Variants in PTCD3 observed in about 807,000 individuals in gnomAD.
The protein encoded by PTCD3 is pentatricopeptide repeat domain 3, also known as small ribosomal subunit protein mS39.
Under a neutral mutation model 101.9 loss-of-function variants are expected in PTCD3, and 89 were observed. That is an observed-to-expected ratio of 0.87 (90% CI 0.74 to 1.04). The LOEUF (loss-of-function observed/expected upper bound fraction) is 1.04. PTCD3 is among the 50% of genes least tolerant of loss of function. PTCD3 has a pLI of 0.00. For synonymous variants in PTCD3, 296 were observed against 278.5 expected (o/e 1.06, Z -0.63); for missense variants, 870 against 828.2 (o/e 1.05, Z -0.62).
chr2:86,114,624 CCAAACATT>C (rs1674148349), intron 4 of PTCD3, among the ~76,000 whole-genome samples: 1 of 152,162 alleles, frequency 6.6e-6, no homozygotes, highest in African/African-American at 2.4e-5. Flanking sequence ...CCCATTCCCT[CCAAACATT>C]CCTCACATAT....
intron 14 of PTCD3, among the ~76,000 whole-genome samples, chr2:86,130,025 G>A (rs1424933218): frequency 2.0e-5 from 3 of 152,192 alleles, no homozygotes; most frequent in Non-Finnish European, 4.4e-5. Flanking sequence ...TTTTTAGCCG[G>A]GTGCAGTGGC....
intron 17 of PTCD3, chr2:86,132,633 T>C: frequency 4.6e-6 from 2 of 437,556 alleles, no homozygotes; most frequent in Non-Finnish European, 8.1e-6. Flanking sequence ...TTTTTTTTTT[T>C]TTTTTTTTGC....
At chr2:86,124,418 G>A (rs1183933544) in intron 9 of PTCD3, among the ~76,000 whole-genome samples, 5 of 152,074 alleles carry the variant, frequency 3.3e-5, no homozygotes, top group Non-Finnish European at 5.9e-5. Flanking sequence ...TGAGGTCAGG[G>A]GTTTGAGACC....
chr2:86,133,128 T>C (rs1558800162), intron 17 of PTCD3, 50 bp from the exon 18 acceptor site: 7 of 1,585,508 alleles, frequency 4.4e-6, no homozygotes, highest in Non-Finnish European at 6.0e-6. Flanking sequence ...TTTCCCCTGT[T>C]GTTAGACATA....
rs1674357482 is a variant in PTCD3, at chr2:86,125,003, A to G, written c.725A>G (p.Asn242Ser). 1.2e-6 allele frequency: 2 copies of G among 1,613,890 alleles called. No homozygotes were observed. Among genetic ancestry groups the G allele is most frequent in the South Asian group, 2.2e-5 (2 of 91,078 alleles). Reference protein sequence around the residue: ...HQFGVTWRAKNNAERIFSLMP... With the variant: ...HQFGVTWRAKSNAERIFSLMP... Reference sequence around the variant, plus strand: ...TACTCTCTTGTGTCTAGAGCAAAAAACAACGCTGAGAGAATCTTTTCTCTA... The same window carrying G: ...TACTCTCTTGTGTCTAGAGCAAAAAGCAACGCTGAGAGAATCTTTTCTCTA... The change falls in exon 10 of 24, where the codon AAC (asparagine) becomes AGC (serine). Residue 242 changes from asparagine to serine, a missense_variant. Asn to Ser is a conservative substitution (Grantham distance 46). Transcript: ENST00000254630.
chr2:86,129,358 T>G (rs367833264), intron 14 of PTCD3, among the ~76,000 whole-genome samples: 1 of 152,228 alleles, frequency 6.6e-6, no homozygotes, highest in South Asian at 2.1e-4. Context: ...TATATAAATT[T>G]GCCTGTCTGC....
intron 7 of PTCD3, 59 bp downstream of exon 7, chr2:86,119,103 A>G: frequency 6.3e-7 from 1 of 1,576,132 alleles, no homozygotes; most frequent in South Asian, 1.1e-5. Flanking sequence ...GGCCCAAGTT[A>G]TATGATTCAT....
chr2:86,117,881 A>G (rs1057468214), intron 6 of PTCD3, among the ~76,000 whole-genome samples: 5 of 152,052 alleles, frequency 3.3e-5, no homozygotes, highest in South Asian at 2.1e-4. Flanking sequence ...GGTTCAAGCA[A>G]TTCTCCTGCC....
At chr2:86,107,103 T>G (rs2104444295) in intron 1 of PTCD3, 3 of 471,078 alleles carry the variant, frequency 6.4e-6, no homozygotes, top group African/African-American at 2.0e-5. Context: ...TGTTTTTATA[T>G]GTACTCTCCC....
At chr2:86,123,023 G>A (rs1231068359) in intron 8 of PTCD3, among the ~76,000 whole-genome samples, 1 of 152,174 alleles carries the variant, frequency 6.6e-6, no homozygotes, top group Non-Finnish European at 1.5e-5. Context: ...ACTTTGGGAG[G>A]CCGAGGCGGG....
At chr2:86,114,555 A>C (rs998389374) in intron 4 of PTCD3, among the ~76,000 whole-genome samples, 2 of 152,162 alleles carry the variant, frequency 1.3e-5, no homozygotes, top group African/African-American at 4.8e-5. Context: ...CTATGTGGAG[A>C]ATGGGAAAGC....
intron 21 of PTCD3, 75 bp from the exon 22 acceptor site, chr2:86,136,446 G>A (rs1674585882): frequency 7.1e-6 from 10 of 1,411,536 alleles, no homozygotes; most frequent in Non-Finnish European, 1.0e-5. Context: ...TCTGATTTCA[G>A]AGAGAAGACA....
At chr2:86,129,674 A>G (rs1165589718) in intron 14 of PTCD3, among the ~76,000 whole-genome samples, 1 of 152,162 alleles carries the variant, frequency 6.6e-6, no homozygotes, top group Non-Finnish European at 1.5e-5. Context: ...AATTTACCCA[A>G]AAGAGAGAGC....
rs559584095 is a variant in PTCD3 at position 86,141,720 on chromosome 2, T to G, written c.*4161T>G. On this transcript the variant is annotated 3_prime_UTR_variant, in exon 24 of 24. Transcript: ENST00000254630. ...ATTTCAGAGTAAAACAGATTGAGGATGAAACCAAGACAGAAGTGATGATTT... is the reference window on the plus strand; with the variant it reads ...ATTTCAGAGTAAAACAGATTGAGGAGGAAACCAAGACAGAAGTGATGATTT... 1 of 150,392 alleles carries G rather than the reference T, an allele frequency of 6.6e-6. No individual in the cohort carries two copies. The highest frequency in any genetic ancestry group is 6.5e-5 in the Admixed American group (1 of 15,274). The allele number at this position is 150,392 out of a possible 1,614,324, so 9.3% of individuals were successfully genotyped here. A position where few individuals can be genotyped will look rare whatever the true frequency, so the allele number is the denominator to read the frequency against.
At position 86,130,657 on chromosome 2, in the gene PTCD3, T is replaced by C; in HGVS notation, c.1157T>C (p.Leu386Ser). The C allele has an allele frequency of 6.2e-7, 1 of 1,612,526 alleles. No individual in the cohort carries two copies. The highest frequency in any genetic ancestry group is 8.5e-7 in the Non-Finnish European group (1 of 1,179,336). Reference protein sequence around the residue: ...IRLFDQPGDPLKRSSFIIYDI... With the variant: ...IRLFDQPGDPSKRSSFIIYDI... ...CTTTCTTGTTCTGCAGGAGACCCTT[T>C]AAAGAGATCATCCTTCATCATTTAT... The change falls in exon 15 of 24, where the codon TTA (leucine) becomes TCA (serine). Residue 386 changes from leucine to serine, a missense_variant. By Grantham distance (145) the Leu-to-Ser change is moderately radical. Coordinates refer to ENST00000254630, the MANE Select transcript of PTCD3 (RefSeq NM_017952.6).
At chr2:86,116,683 G>T in intron 5 of PTCD3, 85 bp downstream of exon 5, 1 of 1,039,580 alleles carries the variant, frequency 9.6e-7, no homozygotes, top group East Asian at 2.4e-5. Flanking sequence ...GTAATAACCT[G>T]GGAAAGGTTT....
At chr2:86,130,068 G>A (rs1393847195) in intron 14 of PTCD3, among the ~76,000 whole-genome samples, 2 of 152,178 alleles carry the variant, frequency 1.3e-5, no homozygotes, top group African/African-American at 2.4e-5. Flanking sequence ...TTGGGAGGCC[G>A]AGGCGGGCAG....
Position 86,134,984 on chromosome 2 carries a change from C to T in PTCD3, c.1775C>T (p.Ala592Val). ...TTAAGGGCTGGGAGAACTCAGGAAG[C>T]CTGGTGAGTACAGTACCACAAGTAT... ...LFLRAGRTQE[A>V]WKMLGLFRKH... The change falls in exon 21 of 24, where the codon GCC (alanine) becomes GTC (valine). Residue 592 changes from alanine (A) to valine (V), a missense_variant. Physicochemically the swap from Ala to Val is moderately conservative, Grantham distance 64. Coordinates refer to ENST00000254630, the MANE Select transcript of PTCD3 (RefSeq NM_017952.6). The T allele has an allele frequency of 6.2e-7, 1 of 1,613,972 alleles. No individual in the cohort carries two copies. The highest frequency in any genetic ancestry group is 8.5e-7 in the Non-Finnish European group (1 of 1,179,884).
rs75393642 is a variant in PTCD3 at position 86,138,690 on chromosome 2, G to C, written c.*1131G>C. 1 of 130,284 alleles carries C rather than the reference G, an allele frequency of 7.7e-6. No individual in the cohort carries two copies. Among genetic ancestry groups the C allele is most frequent in the Non-Finnish European group, 1.7e-5 (1 of 60,570 alleles). The allele number at this position is 130,284 out of a possible 1,614,324, so 8.1% of individuals were successfully genotyped here. ...TAATTGAGGGACAAAAAAAAAAAAA[G>C]CCGATATAGTAGCTAGCTACTTAAG... On this transcript the variant is annotated 3_prime_UTR_variant, in exon 24 of 24. Transcript: ENST00000254630.
Sources: allele counts gnomAD v4.1 joint callset (sites outside exome capture counted in the v4.1 genomes callset), GRCh38; gene constraint gnomAD v4.1.1; transcripts MANE v1.5; gene names NCBI Gene and HGNC (gene_info 2026-07-23, HGNC 2026-07-21).